PRDM16: variants seen among roughly 807,000 people sequenced by gnomAD.
PRDM16 encodes histone-lysine N-methyltransferase PRDM16.
In PRDM16, 23 loss-of-function variants were observed where a neutral mutation model predicts 110.6. The ratio of observed to expected loss-of-function variants is 0.21; its 90% CI spans 0.15 to 0.29. PRDM16 has a LOEUF of 0.29. Ranked by LOEUF, PRDM16 falls within the 10% of genes least tolerant of loss-of-function variation. PRDM16 has a pLI of 1.00. For synonymous variants in PRDM16, 799 were observed against 781.8 expected, an observed-to-expected ratio of 1.02 and a Z score of -0.37; for missense variants, 1,615 against 1,794.3, an observed-to-expected ratio of 0.90 and a Z score of 1.81.
chr1:3,390,193 C>A lies in PRDM16; in HGVS notation c.573+4907C>A, dbSNP rs920055201. On this transcript the variant is annotated intron_variant, in intron 4 of 16. Coordinates refer to ENST00000270722, the MANE Select transcript of PRDM16 (RefSeq NM_022114.4). This position sits in a 1 kb window ranked among gnomAD's most constrained non-coding sequence, Gnocchi z 5.0. ...GGCAGGGAGGAGCTGTCACAGCCGG[C>A]GCTTTCTGTTTTTTGGTTTATCTTT... 6.6e-6 allele frequency among the ~76,000 whole-genome samples: 1 copy of A among 152,146 alleles called. No homozygotes were observed. The highest frequency in any genetic ancestry group is 1.5e-5 in the Non-Finnish European group (1 of 68,018).
intron 4 of PRDM16, among the ~76,000 whole-genome samples, chr1:3,392,611 T>A (rs1456055565): frequency 6.6e-6 from 1 of 152,208 alleles, no homozygotes; most frequent in Non-Finnish European, 1.5e-5. Flanking sequence ...TCTTTTCTTG[T>A]GAATTGATTT....
At position 3,283,185 on chromosome 1, in the gene PRDM16, C is replaced by T. The variant is rs116477770; in HGVS notation, c.438+39048C>T. On this transcript the variant is annotated intron_variant, in intron 3 of 16. Coordinates refer to ENST00000270722, the MANE Select transcript of PRDM16 (RefSeq NM_022114.4). Reference sequence around the variant, plus strand: ...TGGCCAGCCAGCCCCTCGTCACCTTCCCTCCTGCTTGGGCTCCACAGCATA... The same window carrying T: ...TGGCCAGCCAGCCCCTCGTCACCTTTCCTCCTGCTTGGGCTCCACAGCATA... 4.8e-3 allele frequency among the ~76,000 whole-genome samples: 725 copies of T among 152,288 alleles called. 9 individuals carry two copies. The highest frequency in any genetic ancestry group is 0.017 in the African/African-American group (696 of 41,562).
chr1:3,145,072 G>A (rs1260399680), intron 1 of PRDM16, among the ~76,000 whole-genome samples: 1 of 152,194 alleles, frequency 6.6e-6, no homozygotes, highest in Non-Finnish European at 1.5e-5. Context: ...TTGGATGTCT[G>A]TGGAGCCAGC....
chr1:3,085,126 C>A (rs1267828859), intron 1 of PRDM16, among the ~76,000 whole-genome samples: 1 of 152,196 alleles, frequency 6.6e-6, no homozygotes, highest in African/African-American at 2.4e-5. Context: ...AGGCTGGTGC[C>A]CAGGACCTAC....
intron 16 of PRDM16, among the ~76,000 whole-genome samples, 195 bp from the exon 17 acceptor site, chr1:3,433,482 G>C (rs911561977): frequency 1.5e-4 from 23 of 149,428 alleles, no homozygotes; most frequent in African/African-American, 5.6e-4. Flanking sequence ...CTGCCCATCT[G>C]CTGCCTGTCT....
chr1:3,174,868 A>T (rs1644067914), intron 1 of PRDM16, among the ~76,000 whole-genome samples: 1 of 152,176 alleles, frequency 6.6e-6, no homozygotes, highest in South Asian at 2.1e-4. Context: ...CAGGTTTGAG[A>T]TAGAAACGGC....
chr1:3,219,979 A>G (rs1168212835), intron 2 of PRDM16, among the ~76,000 whole-genome samples: 1 of 152,118 alleles, frequency 6.6e-6, no homozygotes, highest in Non-Finnish European at 1.5e-5. Flanking sequence ...CTGGCCACAG[A>G]TGTTTGGCGC....
intron 1 of PRDM16, among the ~76,000 whole-genome samples, chr1:3,084,051 G>A (rs1354650941): frequency 1.3e-5 from 2 of 152,272 alleles, no homozygotes; most frequent in African/African-American, 2.4e-5. Context: ...AGACCCACAC[G>A]CTTGTGGAGG....
At chr1:3,142,911 C>T (rs546337539) in intron 1 of PRDM16, among the ~76,000 whole-genome samples, 1 of 152,342 alleles carries the variant, frequency 6.6e-6, no homozygotes, top group African/African-American at 2.4e-5. Flanking sequence ...AGACCCTGAG[C>T]TGCCACCACA....
intron 1 of PRDM16, among the ~76,000 whole-genome samples, chr1:3,082,470 C>T (rs1002633778): frequency 6.6e-6 from 1 of 152,230 alleles, no homozygotes; most frequent in African/African-American, 2.4e-5. Context: ...GTCTGGGGAC[C>T]ATTCCCAAGG....
chr1:3,324,092 T>C (rs2100466624), intron 3 of PRDM16, among the ~76,000 whole-genome samples: 1 of 152,282 alleles, frequency 6.6e-6, no homozygotes, highest in East Asian at 1.9e-4. Context: ...TGGACACTCC[T>C]GCCAGCCAGA....
intron 3 of PRDM16, among the ~76,000 whole-genome samples, chr1:3,378,065 G>C (rs537576939): frequency 1.3e-5 from 2 of 152,220 alleles, no homozygotes; most frequent in Non-Finnish European, 2.9e-5. Context: ...GGCTGGGCTC[G>C]CGCCCTAGGG....
intron 3 of PRDM16, among the ~76,000 whole-genome samples, chr1:3,361,630 C>T (rs1490299474): frequency 2.0e-5 from 3 of 152,194 alleles, no homozygotes; most frequent in Non-Finnish European, 2.9e-5. Context: ...GATGGGGAAT[C>T]GGAAGGATGG....
At chr1:3,342,849 G>T (rs1294209707) in intron 3 of PRDM16, among the ~76,000 whole-genome samples, 1 of 152,178 alleles carries the variant, frequency 6.6e-6, no homozygotes, top group African/African-American at 2.4e-5. Context: ...TATGGCAGTA[G>T]CATGCATGGT....
chr1:3,194,905 G>T (rs1257081006), intron 2 of PRDM16, among the ~76,000 whole-genome samples: 1 of 152,242 alleles, frequency 6.6e-6, no homozygotes, highest in Non-Finnish European at 1.5e-5. Context: ...ACGTGGCCTG[G>T]CTCTGGGCAC....
At chr1:3,269,572 A>G (rs894150023) in intron 3 of PRDM16, among the ~76,000 whole-genome samples, 7 of 148,024 alleles carry the variant, frequency 4.7e-5, no homozygotes, top group African/African-American at 1.8e-4. Flanking sequence ...AGAGGAGGAC[A>G]GTCCCGGAGG....
rs573352275 is a variant in PRDM16 at position 3,114,394 on chromosome 1, G to A, written c.37+45098G>A. On this transcript the variant is annotated intron_variant, in intron 1 of 16. Coordinates refer to ENST00000270722, the MANE Select transcript of PRDM16 (RefSeq NM_022114.4). ...CACGCAGGTGTAAACAGACGCGCAC[G>A]CACGCGCACACACACGCACACACAT... Among the ~76,000 whole-genome samples, 346 of 116,662 alleles carry A rather than the reference G, an allele frequency of 3.0e-3. 3 individuals are homozygous for A. Among genetic ancestry groups the A allele is most frequent in the African/African-American group, 0.011 (318 of 28,290 alleles). 76.5% of individuals were successfully genotyped at this position (116,662 alleles called of 152,430 possible).
At chr1:3,128,957 G>A (rs1278069225) in intron 1 of PRDM16, among the ~76,000 whole-genome samples, 9 of 152,232 alleles carry the variant, frequency 5.9e-5, no homozygotes, top group South Asian at 2.1e-4. Context: ...GGAAGTGGGA[G>A]CGACTGTGCA....
rs981548692 is a variant in PRDM16, at chr1:3,405,398, A to G, written c.1033-97A>G. On this transcript the variant is annotated intron_variant, in intron 7 of 16. Coordinates refer to ENST00000270722, the MANE Select transcript of PRDM16 (RefSeq NM_022114.4). The stretch of plus-strand genomic sequence containing the variant: ...CTGCAACGTGGCAAGAGAGACAGGC[A>G]GGGCCCTGCCCCCCACAGCCGGTTG... 5 of 1,367,592 alleles carry G rather than the reference A, an allele frequency of 3.7e-6. No individual in the cohort carries two copies. In the Admixed American group the frequency reaches 1.3e-4, roughly 36 times the overall value. 84.7% of individuals were successfully genotyped at this position (1,367,592 alleles called of 1,614,324 possible). A position where few individuals can be genotyped will look rare whatever the true frequency, so the allele number is the denominator to read the frequency against.
Sources: allele counts gnomAD v4.1 joint callset (sites outside exome capture counted in the v4.1 genomes callset), GRCh38; gene constraint gnomAD v4.1.1; non-coding constraint Gnocchi (gnomAD v3.1); transcripts MANE v1.5; gene names NCBI Gene and HGNC (gene_info 2026-07-23, HGNC 2026-07-21).